APBB1IP: variants seen among roughly 807,000 people sequenced by gnomAD.
The protein encoded by APBB1IP is amyloid beta A4 precursor protein-binding family B member 1-interacting protein.
A neutral mutation model predicts 64.9 loss-of-function variants in APBB1IP; 27 were observed. The observed-to-expected ratio is 0.42, with a 90% CI of 0.31 to 0.57. The LOEUF (loss-of-function observed/expected upper bound fraction) is 0.57, where lower values mean the gene tolerates loss of function less well. Ranked by LOEUF, APBB1IP falls within the 20% of genes least tolerant of loss-of-function variation. The pLI is 0.20. For missense variants in APBB1IP, 812 were observed against 845.5 expected (o/e 0.96, Z 0.49); for synonymous variants, 392 against 331.0 (o/e 1.18, Z -2.00).
chr10:26,516,543 CA>C lies in APBB1IP; in HGVS notation c.813+2901del, dbSNP rs71401901. 4.3e-3 allele frequency among the ~76,000 whole-genome samples: 201 copies of C among 47,210 alleles called. 9 individuals are homozygous for C. Among genetic ancestry groups the C allele is most frequent in the African/African-American group, 0.018 (148 of 8,148 alleles). 31.0% of individuals were successfully genotyped at this position (47,210 alleles called of 152,430 possible). A position where few individuals can be genotyped will look rare whatever the true frequency, so the allele number is the denominator to read the frequency against. On this transcript the variant is annotated intron_variant, in intron 8 of 14. Coordinates refer to ENST00000376236, the MANE Select transcript of APBB1IP (RefSeq NM_019043.4). ...TGGGTGACAGAGCAAGACTCCATCTCAAAAAAAAAAAAAAAAAAGTAAAGCG... is the reference window on the plus strand; with the variant it reads ...TGGGTGACAGAGCAAGACTCCATCTCAAAAAAAAAAAAAAAAAGTAAAGCG...
intron 8 of APBB1IP, among the ~76,000 whole-genome samples, chr10:26,522,395 T>G (rs1048601246): frequency 6.6e-5 from 10 of 152,236 alleles, no homozygotes; most frequent in Admixed American, 5.2e-4. Flanking sequence ...AAGTCCATAA[T>G]TGACATTAAT....
At chr10:26,481,606 T>C (rs1835834699) in intron 2 of APBB1IP, among the ~76,000 whole-genome samples, 1 of 152,094 alleles carries the variant, frequency 6.6e-6, no homozygotes, top group Admixed American at 6.6e-5. Context: ...CACCTCAGCC[T>C]CCTGAGTAGC....
chr10:26,498,593 A>G (rs1836057956), intron 4 of APBB1IP, among the ~76,000 whole-genome samples: 1 of 152,228 alleles, frequency 6.6e-6, no homozygotes, highest in Admixed American at 6.5e-5. Context: ...AAGCAAATTT[A>G]GCCTCACCAA....
intron 2 of APBB1IP, among the ~76,000 whole-genome samples, chr10:26,491,864 C>T (rs994994215): frequency 4.7e-5 from 7 of 149,482 alleles, no homozygotes; most frequent in African/African-American, 1.2e-4. Context: ...TGGGTTCAAG[C>T]GATTTTCCTG....
intron 8 of APBB1IP, among the ~76,000 whole-genome samples, chr10:26,516,660 T>C (rs1352204026): frequency 6.6e-6 from 1 of 151,884 alleles, no homozygotes; most frequent in Non-Finnish European, 1.5e-5. Flanking sequence ...AATGGCTGTA[T>C]TCCTCTCGCA....
At chr10:26,447,297 C>G (rs886693040) in intron 2 of APBB1IP, among the ~76,000 whole-genome samples, 1 of 150,088 alleles carries the variant, frequency 6.7e-6, no homozygotes, top group Non-Finnish European at 1.5e-5. Flanking sequence ...GTGGCATGAA[C>G]CCAGGAAGCG....
intron 5 of APBB1IP, among the ~76,000 whole-genome samples, chr10:26,502,429 C>G (rs143831157): frequency 2.0e-5 from 3 of 152,276 alleles, no homozygotes; most frequent in Admixed American, 2.0e-4. Flanking sequence ...GTCATGAGGT[C>G]AGGAGATGGA....
intron 2 of APBB1IP, among the ~76,000 whole-genome samples, chr10:26,465,602 T>G (rs1835639303): frequency 6.6e-6 from 1 of 152,184 alleles, no homozygotes; most frequent in Non-Finnish European, 1.5e-5. Context: ...AAGAAAAAAT[T>G]ATAATTATGT....
At chr10:26,446,410 T>C (rs10764620) in intron 2 of APBB1IP, among the ~76,000 whole-genome samples, 58,993 of 152,022 alleles carry the variant, frequency 0.39, 11,644 homozygotes, top group South Asian at 0.49. Flanking sequence ...TATATTTCCC[T>C]TGTTGTAAGC....
Position 26,567,280 on chromosome 10 carries a change from TGCCCCC to T in APBB1IP, c.1797_1802del (p.Pro605_Pro606del), listed in dbSNP as rs1837063245. On this transcript the variant is annotated inframe_deletion, in exon 15 of 15. Transcript: ENST00000376236. ...TACGCAGGGATCGCGGGCTCAGAGCTGCCCCCGCCGCCGCCGCCGCCGCCCGCGCCC... is the reference window on the plus strand; with the variant it reads ...TACGCAGGGATCGCGGGCTCAGAGCTGCCGCCGCCGCCGCCGCCCGCGCCC... 8.9e-7 allele frequency: 1 copy of T among 1,124,316 alleles called. No individual in the cohort carries two copies. The highest frequency in any genetic ancestry group is 1.1e-6 in the Non-Finnish European group (1 of 914,246). The allele number at this position is 1,124,316 out of a possible 1,614,324, so 69.6% of individuals were successfully genotyped here. A position where few individuals can be genotyped will look rare whatever the true frequency, so the allele number is the denominator to read the frequency against.
intron 8 of APBB1IP, among the ~76,000 whole-genome samples, chr10:26,514,039 T>C (rs1836294937): frequency 6.6e-6 from 1 of 151,746 alleles, no homozygotes; most frequent in Non-Finnish European, 1.5e-5. Flanking sequence ...CAGCCAAGGA[T>C]TTTTTTTAAT....
chr10:26,503,438 A>T (rs1836131338), intron 6 of APBB1IP, among the ~76,000 whole-genome samples, 164 bp downstream of exon 6: 1 of 152,184 alleles, frequency 6.6e-6, no homozygotes, highest in Non-Finnish European at 1.5e-5. Context: ...GATCGAGACC[A>T]TCCTGGCTAA....
chr10:26,469,087 T>C (rs1448993419), intron 2 of APBB1IP, among the ~76,000 whole-genome samples: 2 of 134,440 alleles, frequency 1.5e-5, no homozygotes, highest in Non-Finnish European at 3.2e-5. Context: ...ATAGTCCTTT[T>C]CTTCTTCTTT....
chr10:26,516,111 G>A (rs1445351856), intron 8 of APBB1IP, among the ~76,000 whole-genome samples: 2 of 152,148 alleles, frequency 1.3e-5, no homozygotes, highest in African/African-American at 4.8e-5. Context: ...AAACCGGAAA[G>A]TCTCTGTGAC....
intron 2 of APBB1IP, among the ~76,000 whole-genome samples, chr10:26,441,693 G>A (rs1835339610): frequency 1.3e-5 from 2 of 152,098 alleles, no homozygotes; most frequent in Non-Finnish European, 2.9e-5. Context: ...ACCACTCCAA[G>A]GCATCACACG....
intron 13 of APBB1IP, 79 bp from the exon 14 acceptor site, chr10:26,562,247 G>C: frequency 2.8e-6 from 3 of 1,087,086 alleles, no homozygotes; most frequent in Non-Finnish European, 4.2e-6. Flanking sequence ...GATGCAAACT[G>C]CTTTGTATTT....
intron 11 of APBB1IP, among the ~76,000 whole-genome samples, chr10:26,556,498 C>A (rs138529892): frequency 6.6e-6 from 1 of 152,300 alleles, no homozygotes; most frequent in South Asian, 2.1e-4. Context: ...CTTGGTGAGA[C>A]CTGACCTATA....
At chr10:26,516,437 G>T (rs777133503) in intron 8 of APBB1IP, among the ~76,000 whole-genome samples, 2 of 150,654 alleles carry the variant, frequency 1.3e-5, no homozygotes, top group African/African-American at 4.9e-5. Context: ...CAGCTACTTG[G>T]GAGGCTGAGG....
At chr10:26,547,423 G>C (rs1836780158) in intron 11 of APBB1IP, among the ~76,000 whole-genome samples, 1 of 151,696 alleles carries the variant, frequency 6.6e-6, no homozygotes, top group African/African-American at 2.4e-5. Context: ...TTGTTGGTTT[G>C]TTTGTTTGTT....
Sources: allele counts gnomAD v4.1 joint callset (sites outside exome capture counted in the v4.1 genomes callset), GRCh38; gene constraint gnomAD v4.1.1; transcripts MANE v1.5; gene names NCBI Gene and HGNC (gene_info 2026-07-23, HGNC 2026-07-21).